PTPRN2: variants seen among roughly 807,000 people sequenced by gnomAD.
PTPRN2 encodes protein tyrosine phosphatase receptor type N2.
Under a neutral mutation model 118.8 loss-of-function variants are expected in PTPRN2, and 74 were observed. The ratio of observed to expected loss-of-function variants is 0.62; its 90% CI spans 0.52 to 0.76. The LOEUF (loss-of-function observed/expected upper bound fraction) is 0.76, where lower values mean the gene tolerates loss of function less well. PTPRN2 is among the 30% of genes least tolerant of loss of function. The pLI, the probability that PTPRN2 is intolerant of heterozygous loss-of-function variation, is 0.00. For missense variants in PTPRN2, 1,481 were observed against 1,394.4 expected (o/e 1.06, Z -0.99); for synonymous variants, 641 against 608.0 (o/e 1.05, Z -0.80).
At chr7:158,147,912 C>A (rs1338603926) in intron 6 of PTPRN2, among the ~76,000 whole-genome samples, 1 of 134,796 alleles carries the variant, frequency 7.4e-6, no homozygotes, top group African/African-American at 2.9e-5. Flanking sequence ...CACTGACACC[C>A]CATCTCACGC....
At chr7:157,542,362 G>A (rs566331003) in intron 22 of PTPRN2, among the ~76,000 whole-genome samples, 2 of 151,982 alleles carry the variant, frequency 1.3e-5, no homozygotes, top group African/African-American at 2.4e-5. Flanking sequence ...TTTGGGAAGC[G>A]AAATGCAAGT....
chr7:158,322,083 T>C (rs1803071334), intron 2 of PTPRN2, among the ~76,000 whole-genome samples: 1 of 152,174 alleles, frequency 6.6e-6, no homozygotes, highest in African/African-American at 2.4e-5. Flanking sequence ...TCCCCAGCAT[T>C]GCCTGAGCCT....
intron 17 of PTPRN2, among the ~76,000 whole-genome samples, chr7:157,584,672 G>C (rs1218711181): frequency 6.6e-6 from 1 of 152,246 alleles, no homozygotes; most frequent in Non-Finnish European, 1.5e-5. Flanking sequence ...GGGCTGAACA[G>C]AGGTTTAGAC....
intron 3 of PTPRN2, among the ~76,000 whole-genome samples, chr7:158,253,896 CCACG>C (rs1796856211): frequency 7.3e-6 from 1 of 136,362 alleles, no homozygotes; most frequent in South Asian, 2.5e-4. Flanking sequence ...GAGCCACTGC[CCACG>C]GCACGACCCG....
intron 22 of PTPRN2, among the ~76,000 whole-genome samples, chr7:157,548,083 C>A (rs1010823267): frequency 3.3e-5 from 5 of 152,138 alleles, no homozygotes; most frequent in Admixed American, 6.6e-5. Context: ...TGGATTATTT[C>A]TGCATTTTAT....
intron 3 of PTPRN2, among the ~76,000 whole-genome samples, chr7:158,307,788 G>A (rs1455862632): frequency 6.6e-6 from 1 of 152,108 alleles, no homozygotes; most frequent in African/African-American, 2.4e-5. Flanking sequence ...GGAGGGAGGA[G>A]GAAACTGGGT....
rs1236784973 is a variant in PTPRN2, at chr7:158,574,064, T to G, written c.112+13494A>C. Among the ~76,000 whole-genome samples, 2 of 152,202 alleles carry G rather than the reference T, an allele frequency of 1.3e-5. No individual in the cohort carries two copies. The highest frequency in any genetic ancestry group is 2.9e-5 in the Non-Finnish European group (2 of 68,040). ...TAGACACATTTTGAAGTGGAAAGCA[T>G]CACAGTTAGACCCACAAGAAGGCAA... On this transcript the variant is annotated intron_variant, in intron 1 of 22. Coordinates refer to ENST00000389418, the MANE Select transcript of PTPRN2 (RefSeq NM_002847.5). The surrounding 1 kb of genome is among the most constrained non-coding windows in gnomAD (Gnocchi z 4.6).
intron 2 of PTPRN2, among the ~76,000 whole-genome samples, chr7:158,395,668 CG>C (rs1714174382): frequency 3.9e-5 from 1 of 25,378 alleles, no homozygotes; most frequent in East Asian, 1.8e-3. Context: ...GGGCGAGGGG[CG>C]AGGCGCGAGG....
At chr7:158,371,337 C>CA (rs201386674) in intron 2 of PTPRN2, among the ~76,000 whole-genome samples, 24,188 of 139,432 alleles carry the variant, frequency 0.17, 2,305 homozygotes, top group African/African-American at 0.26. Context: ...CAAAGGAAAG[C>CA]AAAAAAAAAA....
chr7:158,429,849 C>A (rs1395098445), intron 2 of PTPRN2, among the ~76,000 whole-genome samples: 1 of 152,182 alleles, frequency 6.6e-6, no homozygotes, highest in Non-Finnish European at 1.5e-5. Flanking sequence ...CAAAAGTGAT[C>A]ATTTAAAAGG....
chr7:157,597,972 C>A (rs1585085730), intron 16 of PTPRN2, among the ~76,000 whole-genome samples: 1 of 152,334 alleles, frequency 6.6e-6, no homozygotes, highest in East Asian at 1.9e-4. Context: ...TTTGTGGAAG[C>A]AGCAACTGCA....
chr7:157,975,754 C>T (rs1802698288), intron 11 of PTPRN2, among the ~76,000 whole-genome samples: 1 of 150,716 alleles, frequency 6.6e-6, no homozygotes, highest in Admixed American at 6.6e-5. Context: ...TGTGAATTTA[C>T]CTTTTTTTTT....
At chr7:157,883,921 C>T (rs1796313453) in intron 12 of PTPRN2, among the ~76,000 whole-genome samples, 1 of 151,344 alleles carries the variant, frequency 6.6e-6, no homozygotes, top group Admixed American at 6.6e-5. Context: ...AAACACCACC[C>T]CAAAGTGACT....
At chr7:157,802,303 A>G (rs1337265381) in intron 12 of PTPRN2, among the ~76,000 whole-genome samples, 1 of 152,194 alleles carries the variant, frequency 6.6e-6, no homozygotes, top group South Asian at 2.1e-4. Context: ...TTCAATTGTC[A>G]TAGATTCCAC....
At chr7:157,981,923 T>TC (rs537333028) in intron 11 of PTPRN2, among the ~76,000 whole-genome samples, 166 of 152,194 alleles carry the variant, frequency 1.1e-3, no homozygotes, top group Non-Finnish European at 1.4e-3. Context: ...GAATGTGGGG[T>TC]CCCCCCAAAC....
At chr7:158,469,761 G>C (rs887569678) in intron 2 of PTPRN2, among the ~76,000 whole-genome samples, 5 of 146,258 alleles carry the variant, frequency 3.4e-5, no homozygotes, top group South Asian at 4.3e-4. Flanking sequence ...AAAATGCAAA[G>C]AATTGGGAGC....
intron 11 of PTPRN2, among the ~76,000 whole-genome samples, chr7:157,937,390 C>T (rs1460296084): frequency 6.6e-6 from 1 of 152,182 alleles, no homozygotes; most frequent in Non-Finnish European, 1.5e-5. Flanking sequence ...GGGACTGGAG[C>T]AATTCACTGA....
At chr7:158,311,092 G>C (rs1801690081) in intron 3 of PTPRN2, among the ~76,000 whole-genome samples, 1 of 152,132 alleles carries the variant, frequency 6.6e-6, no homozygotes, top group African/African-American at 2.4e-5. Flanking sequence ...GGCGAGCACA[G>C]GGAGGGCGCA....
chr7:157,723,458 T>TCTCGGCCCCGTGCCC (rs1554423164), intron 12 of PTPRN2, among the ~76,000 whole-genome samples: 1 of 152,156 alleles, frequency 6.6e-6, no homozygotes, highest in African/African-American at 2.4e-5. Context: ...ACACTGTGGC[T>TCTCGGCCCCGTGCCC]CTCGGCCCCG....
Sources: gnomAD v4.1 joint callset for allele counts (sites outside exome capture counted in the v4.1 genomes callset) on GRCh38, gnomAD v4.1.1 for gene constraint, Gnocchi (gnomAD v3.1) non-coding constraint, MANE v1.5 for transcripts, NCBI Gene and HGNC (gene_info 2026-07-23, HGNC 2026-07-21) for gene names.